The following KCNN4 variants were observed in gnomAD, a reference collection of about 807,000 sequenced individuals.
KCNN4 encodes potassium calcium-activated channel subfamily N member 4.
A neutral mutation model predicts 45.2 loss-of-function variants in KCNN4; 31 were observed. That is an observed-to-expected ratio of 0.69 (90% CI 0.52 to 0.92). The LOEUF is 0.92. Ranked by LOEUF, KCNN4 falls within the 40% of genes least tolerant of loss-of-function variation. The pLI, the probability that KCNN4 is intolerant of heterozygous loss-of-function variation, is 0.00. For synonymous variants in KCNN4, 231 were observed against 254.6 expected (o/e 0.91, Z 0.88); for missense variants, 463 against 574.0 (o/e 0.81, Z 1.98).
chr19:43,769,169 G>A lies in KCNN4; in HGVS notation c.1050-137C>T, dbSNP rs1043591831. The A allele has an allele frequency of 3.1e-6, 3 of 966,390 alleles. No homozygotes were observed. In the African/African-American group the frequency reaches 4.8e-5, roughly 16 times the overall value. 59.9% of individuals were successfully genotyped at this position (966,390 alleles called of 1,614,324 possible). A position where few individuals can be genotyped will look rare whatever the true frequency, so the allele number is the denominator to read the frequency against. On this transcript the variant is annotated intron_variant, in intron 6 of 8. Transcript: ENST00000648319. The surrounding 1 kb of genome is among the most constrained non-coding windows in gnomAD (Gnocchi z 4.4). ...AAAGTTGTCGAAGAGCTGAAAGAGTGGGAGGGGATGCACCCTGCCTCCCCA... is the reference window on the plus strand; with the variant it reads ...AAAGTTGTCGAAGAGCTGAAAGAGTAGGAGGGGATGCACCCTGCCTCCCCA...
At chr19:43,770,273 C>T (rs1420978896) in intron 4 of KCNN4, among the ~76,000 whole-genome samples, 2 of 152,118 alleles carry the variant, frequency 1.3e-5, no homozygotes. Context: ...CCCCTTGGTC[C>T]CCTCTAATCT....
At chr19:43,770,630 C>A (rs1969617992) in intron 4 of KCNN4, among the ~76,000 whole-genome samples, 1 of 152,170 alleles carries the variant, frequency 6.6e-6, no homozygotes, top group African/African-American at 2.4e-5. Flanking sequence ...CAGCTCTGAG[C>A]AAGTTATTTA....
At position 43,772,885 on chromosome 19, in the gene KCNN4, G is replaced by T. The variant is rs1469711; in HGVS notation, c.684-750C>A. Among the ~76,000 whole-genome samples the T allele has an allele frequency of 0.85, 129,434 of 152,210 alleles. 55,192 individuals carry two copies. The highest frequency in any genetic ancestry group is 0.96 in the East Asian group (4,964 of 5,184). On this transcript the variant is annotated intron_variant, in intron 3 of 8. Coordinates refer to ENST00000648319, the MANE Select transcript of KCNN4 (RefSeq NM_002250.3). This position sits in a 1 kb window ranked among gnomAD's most constrained non-coding sequence, Gnocchi z 4.4. ...AGTTTCAGGACTTCTGCCTTGGAATGTGGAACTTTGACTTCCTCCCCATTC... is the reference window on the plus strand; with the variant it reads ...AGTTTCAGGACTTCTGCCTTGGAATTTGGAACTTTGACTTCCTCCCCATTC...
chr19:43,769,228 C>T lies in KCNN4; in HGVS notation c.1050-196G>A, dbSNP rs1599672129. On this transcript the variant is annotated intron_variant, in intron 6 of 8. Transcript: ENST00000648319. This position sits in a 1 kb window ranked among gnomAD's most constrained non-coding sequence, Gnocchi z 4.4. ...CATCCCCAGTAGAAACCCAGGTACC[C>T]AGGTCCGCAGACACACCGAGATATG... The T allele has an allele frequency of 4.7e-5, 32 of 677,874 alleles. No individual in the cohort carries two copies. The East Asian group carries it at 8.7e-4, about 18-fold the overall frequency. 42.0% of individuals were successfully genotyped at this position (677,874 alleles called of 1,614,324 possible).
At chr19:43,775,204 A>G (rs979204527) in intron 2 of KCNN4, among the ~76,000 whole-genome samples, 2 of 152,124 alleles carry the variant, frequency 1.3e-5, no homozygotes, top group African/African-American at 4.8e-5. Context: ...GCGCACACCT[A>G]TAGTCCCAGC....
intron 1 of KCNN4, 62 bp from the exon 2 acceptor site, chr19:43,776,698 C>T: frequency 9.4e-7 from 1 of 1,064,918 alleles, no homozygotes; most frequent in East Asian, 2.4e-5. Context: ...TGGCCCTCCA[C>T]CTTTCCTTCA....
chr19:43,769,734 G>A lies in KCNN4; in HGVS notation c.915C>T (p.Ile305=), dbSNP rs200302571. The A allele has an allele frequency of 1.3e-5, 21 of 1,613,328 alleles. No homozygotes were observed. Among genetic ancestry groups the A allele is most frequent in the Non-Finnish European group, 1.8e-5 (21 of 1,179,554 alleles). ...EKHVHNFMMD[I]QYTKEMKESA... is the part of the protein sequence containing the mutation. ...CCCATCTCACCTCTTTGGTATACTG[G>A]ATATCCATCATGAAGTTGTGCACGT... Residue 305 remains isoleucine (I), a synonymous_variant, in exon 5 of 9, where the codon ATC becomes ATT. Transcript: ENST00000648319. The surrounding 1 kb of genome is among the most constrained non-coding windows in gnomAD (Gnocchi z 4.4).
At position 43,766,590 on chromosome 19, in the gene KCNN4, TCCTC is replaced by T. The variant is rs1969484568; in HGVS notation, c.*499_*502del. ...GCAGAGGCTGGTGAGTTACACTTCT[TCCTC>T]CCCACCAGGTGCTCTCTGCAGCTCT... On this transcript the variant is annotated 3_prime_UTR_variant, in exon 9 of 9. Coordinates refer to ENST00000648319, the MANE Select transcript of KCNN4 (RefSeq NM_002250.3). 6.6e-6 allele frequency: 1 copy of T among 152,350 alleles called. No homozygotes were observed. Among genetic ancestry groups the T allele is most frequent in the Admixed American group, 6.5e-5 (1 of 15,276 alleles). The allele number at this position is 152,350 out of a possible 1,614,324, so 9.4% of individuals were successfully genotyped here. A position where few individuals can be genotyped will look rare whatever the true frequency, so the allele number is the denominator to read the frequency against.
intron 1 of KCNN4, among the ~76,000 whole-genome samples, chr19:43,779,491 A>G (rs1335953733): frequency 2.0e-5 from 3 of 151,964 alleles, no homozygotes; most frequent in South Asian, 2.1e-4. Flanking sequence ...AATCTACCCA[A>G]TCTTCATATC....
At chr19:43,779,572 T>C (rs1023646018) in intron 1 of KCNN4, among the ~76,000 whole-genome samples, 2 of 151,882 alleles carry the variant, frequency 1.3e-5, no homozygotes, top group African/African-American at 4.8e-5. Context: ...GCCCCTCCTT[T>C]CCTGTTGAGC....
rs1310713939 is a variant in KCNN4 at position 43,774,339 on chromosome 19, T to A, written c.536A>T (p.Tyr179Phe). ...LRSGVLLNAS[Y>F]RSIGALNQVR... Reference sequence around the variant, plus strand: ...TTGATTGAGAGCGCCGATGCTGCGGTAGGAAGCGTTGAGCAGGACGCCGCT... The same window carrying A: ...TTGATTGAGAGCGCCGATGCTGCGGAAGGAAGCGTTGAGCAGGACGCCGCT... The change falls in exon 3 of 9, where the codon TAC becomes TTC. Residue 179 changes from tyrosine to phenylalanine, a missense_variant. Transcript: ENST00000648319. The surrounding 1 kb of genome is among the most constrained non-coding windows in gnomAD (Gnocchi z 5.6). 1 of 1,610,670 alleles carries A rather than the reference T, an allele frequency of 6.2e-7. No individual in the cohort carries two copies. The highest frequency in any genetic ancestry group is 8.5e-7 in the Non-Finnish European group (1 of 1,178,562).
At chr19:43,780,379 CTG>C (rs1969939112) in intron 1 of KCNN4, among the ~76,000 whole-genome samples, 8 of 138,302 alleles carry the variant, frequency 5.8e-5, no homozygotes, top group African/African-American at 1.5e-4. Flanking sequence ...TCCAGGAGTC[CTG>C]ACCCCCAGCC....
At chr19:43,775,625 C>A (rs1308360425) in intron 2 of KCNN4, among the ~76,000 whole-genome samples, 1 of 152,072 alleles carries the variant, frequency 6.6e-6, no homozygotes, top group South Asian at 2.1e-4. Context: ...CCACACATGG[C>A]CAATAATCCC....
chr19:43,769,050 G>A lies in KCNN4; in HGVS notation c.1050-18C>T, dbSNP rs199866232. 21 of 1,614,124 alleles carry A rather than the reference G, an allele frequency of 1.3e-5. No homozygotes were observed. The highest frequency in any genetic ancestry group is 2.7e-5 in the African/African-American group (2 of 75,054). On this transcript the variant is annotated intron_variant, in intron 6 of 8. Coordinates refer to ENST00000648319, the MANE Select transcript of KCNN4 (RefSeq NM_002250.3). This position sits in a 1 kb window ranked among gnomAD's most constrained non-coding sequence, Gnocchi z 4.4. Reference sequence around the variant, plus strand: ...GGCGGAACCTGTGGGAAGAAGTGGGGAGTCAGTTTTACAAGCCTGGTCCCT... The same window carrying A: ...GGCGGAACCTGTGGGAAGAAGTGGGAAGTCAGTTTTACAAGCCTGGTCCCT...
chr19:43,777,778 T>C (rs1969856085), intron 1 of KCNN4, among the ~76,000 whole-genome samples: 1 of 151,474 alleles, frequency 6.6e-6, no homozygotes, highest in Non-Finnish European at 1.5e-5. Flanking sequence ...CTAAGAGGGG[T>C]TGGTCCCTGC....
Position 43,769,538 on chromosome 19 carries a change from A to T in KCNN4, c.953T>A (p.Val318Glu), listed in dbSNP as rs1209111982. 6.2e-7 allele frequency: 1 copy of T among 1,614,040 alleles called. No individual in the cohort carries two copies. The highest frequency in any genetic ancestry group is 8.5e-7 in the Non-Finnish European group (1 of 1,179,984). ...GTAGAACATCCAGGCTTCTTGTAGC[A>T]CTCGGGCAGCGGACTCCTTCATCTG... Reference protein sequence around the residue: ...TKEMKESAARVLQEAWMFYKH... With the variant: ...TKEMKESAARELQEAWMFYKH... The change falls in exon 6 of 9, where the codon GTG (valine) becomes GAG (glutamate). Residue 318 changes from valine (V) to glutamate (E), a missense_variant. Val to Glu is a moderately radical substitution (Grantham distance 121, BLOSUM62 -2). Transcript: ENST00000648319. This position sits in a 1 kb window ranked among gnomAD's most constrained non-coding sequence, Gnocchi z 4.4.
At chr19:43,776,413 G>A in intron 2 of KCNN4, 128 bp downstream of exon 2, 2 of 684,580 alleles carry the variant, frequency 2.9e-6, no homozygotes, top group Admixed American at 4.6e-5. Context: ...GTGAGGGTGT[G>A]GACGCAGCAC....
At chr19:43,767,185 G>A (rs536304265) in intron 8 of KCNN4, 96 bp from the exon 9 acceptor site, 123 of 249,794 alleles carry the variant, frequency 4.9e-4, no homozygotes, top group African/African-American at 2.4e-3. Context: ...GTGGGCAGAA[G>A]TGGGAGACAG....
intron 1 of KCNN4, among the ~76,000 whole-genome samples, chr19:43,779,960 G>T (rs1969923643): frequency 6.6e-6 from 1 of 152,106 alleles, no homozygotes; most frequent in Non-Finnish European, 1.5e-5. Context: ...CGGGGGAGAG[G>T]TTTGTTTCCC....
Sources: gnomAD v4.1 joint callset for allele counts (sites outside exome capture counted in the v4.1 genomes callset) on GRCh38, gnomAD v4.1.1 for gene constraint, Gnocchi (gnomAD v3.1) non-coding constraint, MANE v1.5 for transcripts, NCBI Gene and HGNC (gene_info 2026-07-23, HGNC 2026-07-21) for gene names.